PID1: variants seen among roughly 807,000 people sequenced by gnomAD.
PID1 encodes the protein phosphotyrosine interaction domain containing 1, also known as PTB-containing, cubilin and LRP1-interacting protein.
PID1 carries 10 observed loss-of-function variants against 19.1 expected under a neutral mutation model. The ratio of observed to expected loss-of-function variants is 0.52; its 90% CI spans 0.32 to 0.89. PID1 has a LOEUF of 0.89. PID1 is among the 40% of genes least tolerant of loss of function. The pLI is 0.03. For synonymous variants in PID1, 130 were observed against 116.0 expected (o/e 1.12, Z -0.78); for missense variants, 248 against 285.3 (o/e 0.87, Z 0.94).
intron 2 of PID1, among the ~76,000 whole-genome samples, chr2:229,091,732 T>C (rs1171860224): frequency 6.6e-6 from 1 of 152,200 alleles, no homozygotes; most frequent in East Asian, 1.9e-4. Flanking sequence ...TTTGTAATAG[T>C]AACCTGAATG....
At chr2:229,206,873 G>C (rs919638287) in intron 1 of PID1, among the ~76,000 whole-genome samples, 1 of 152,118 alleles carries the variant, frequency 6.6e-6, no homozygotes, top group Non-Finnish European at 1.5e-5. Context: ...ATGTGTATAG[G>C]AATCACCGAG....
chr2:229,232,653 G>C (rs935998950), intron 1 of PID1, among the ~76,000 whole-genome samples: 7 of 150,608 alleles, frequency 4.6e-5, no homozygotes, highest in African/African-American at 1.7e-4. Flanking sequence ...CAATTTGTGT[G>C]TGTGTGTGTA....
At chr2:229,036,180 T>C (rs1452165814) in intron 2 of PID1, among the ~76,000 whole-genome samples, 1 of 152,168 alleles carries the variant, frequency 6.6e-6, no homozygotes, top group East Asian at 1.9e-4. Flanking sequence ...TGGGTAGGAC[T>C]GTGCACATCC....
intron 2 of PID1, among the ~76,000 whole-genome samples, chr2:229,103,822 C>T (rs994415296): frequency 2.6e-5 from 4 of 152,042 alleles, no homozygotes; most frequent in Non-Finnish European, 5.9e-5. Context: ...CGTGATCCAC[C>T]CACCTTGGCC....
chr2:229,090,889 G>A (rs1033975214), intron 2 of PID1, among the ~76,000 whole-genome samples: 3 of 152,172 alleles, frequency 2.0e-5, no homozygotes, highest in African/African-American at 7.2e-5. Context: ...GTAGTGATGG[G>A]AGTAAAACAG....
intron 2 of PID1, among the ~76,000 whole-genome samples, chr2:229,077,602 T>C (rs1017793232): frequency 3.3e-5 from 5 of 152,228 alleles, no homozygotes; most frequent in African/African-American, 4.8e-5. Context: ...TTTTTGCATA[T>C]GGCTAGCCAG....
rs1161783548 is a variant in PID1, at chr2:229,139,097, A to AAG, written c.177+16719_177+16720dup. The stretch of plus-strand genomic sequence containing the variant: ...AAAGAAAGAAAGAAAGAAAGAAAGA[A>AAG]AGAAAGAAAGAAAGAAAGAGAAAGA... On this transcript the variant is annotated intron_variant, in intron 2 of 2. Transcript: ENST00000392055. 3.4e-4 allele frequency among the ~76,000 whole-genome samples: 27 copies of AAG among 79,470 alleles called. 1 individual carries two copies. Among genetic ancestry groups the AAG allele is most frequent in the African/African-American group, 1.6e-3 (27 of 16,492 alleles). 52.1% of individuals were successfully genotyped at this position (79,470 alleles called of 152,430 possible). A position where few individuals can be genotyped will look rare whatever the true frequency, so the allele number is the denominator to read the frequency against.
intron 2 of PID1, among the ~76,000 whole-genome samples, chr2:229,149,721 T>C (rs1336411305): frequency 6.6e-6 from 1 of 152,212 alleles, no homozygotes; most frequent in African/African-American, 2.4e-5. Context: ...GTAGCGGCTT[T>C]AGACTGGGCT....
intron 1 of PID1, among the ~76,000 whole-genome samples, chr2:229,170,166 A>G (rs145533547): frequency 0.012 from 1,873 of 152,304 alleles, 18 homozygotes; most frequent in Non-Finnish European, 0.018. Context: ...CCAATAATAC[A>G]AGGCCAATAA....
At chr2:229,246,261 C>T (rs540438743) in intron 1 of PID1, among the ~76,000 whole-genome samples, 2 of 152,076 alleles carry the variant, frequency 1.3e-5, no homozygotes, top group Non-Finnish European at 2.9e-5. Flanking sequence ...CTTCAAACTG[C>T]GGAGCTGCTG....
chr2:229,145,682 A>G (rs113709991), intron 2 of PID1, among the ~76,000 whole-genome samples: 77 of 152,288 alleles, frequency 5.1e-4, no homozygotes, highest in African/African-American at 1.8e-3. Context: ...CAAAATGAGG[A>G]GAAAAGTATC....
At chr2:229,159,220 A>G (rs1022778215) in intron 1 of PID1, among the ~76,000 whole-genome samples, 2 of 152,122 alleles carry the variant, frequency 1.3e-5, no homozygotes, top group Non-Finnish European at 2.9e-5. Flanking sequence ...GAAGTTTTGG[A>G]ATTTGTGGCA....
rs576959046 is a variant in PID1 at position 229,025,667 on chromosome 2, C to G, written c.619G>C (p.Glu207Gln). Residue 207 changes from glutamate to glutamine, a missense_variant, in exon 3 of 3, where the codon GAG becomes CAG. Glu to Gln is a conservative substitution (Grantham distance 29). Transcript: ENST00000392055. ...TCGGATTCCAATTCCTGGGAAACCTCTTCGGAGGAGCTGTTGCTGTGGATC... is the reference window on the plus strand; with the variant it reads ...TCGGATTCCAATTCCTGGGAAACCTGTTCGGAGGAGCTGTTGCTGTGGATC... ...GRIHSNSSSE[E>Q]VSQELESDDG The G allele has an allele frequency of 8.1e-6, 13 of 1,613,314 alleles. No homozygotes were observed. In the South Asian group the frequency reaches 1.3e-4, roughly 16 times the overall value.
intron 2 of PID1, among the ~76,000 whole-genome samples, chr2:229,139,079 GAAAGAA>G (rs1689939703): frequency 1.6e-5 from 1 of 61,088 alleles, no homozygotes; most frequent in African/African-American, 8.1e-5. Context: ...AAGAAAGAAA[GAAAGAA>G]AGAAAGAAAG....
At chr2:229,051,064 C>A (rs1216874415) in intron 2 of PID1, among the ~76,000 whole-genome samples, 1 of 152,140 alleles carries the variant, frequency 6.6e-6, no homozygotes, top group Non-Finnish European at 1.5e-5. Context: ...TTTTAGGATT[C>A]TCTACATGTA....
intron 2 of PID1, among the ~76,000 whole-genome samples, chr2:229,122,985 G>GT (rs991038044): frequency 1.3e-5 from 2 of 152,028 alleles, no homozygotes; most frequent in Non-Finnish European, 2.9e-5. Flanking sequence ...CTACCTTACT[G>GT]TTTTTTGTTT....
At chr2:229,035,495 CA>C (rs780611818) in intron 2 of PID1, among the ~76,000 whole-genome samples, 32 of 133,422 alleles carry the variant, frequency 2.4e-4, no homozygotes, top group Non-Finnish European at 4.6e-4. Context: ...TAAATGGGGC[CA>C]ATCATTTATA....
chr2:229,113,950 C>G (rs1405832473), intron 2 of PID1, among the ~76,000 whole-genome samples: 2 of 152,074 alleles, frequency 1.3e-5, no homozygotes, highest in South Asian at 2.1e-4. Flanking sequence ...AGCAGATGAC[C>G]TTCCATAATG....
chr2:229,216,590 A>G (rs1362336930), intron 1 of PID1, among the ~76,000 whole-genome samples: 5 of 152,320 alleles, frequency 3.3e-5, no homozygotes, highest in East Asian at 3.9e-4. Flanking sequence ...TTAAAAACAC[A>G]TGTGAGTAAT....
Sources: allele counts gnomAD v4.1 joint callset (sites outside exome capture counted in the v4.1 genomes callset), GRCh38; gene constraint gnomAD v4.1.1; transcripts MANE v1.5; gene names NCBI Gene and HGNC (gene_info 2026-07-23, HGNC 2026-07-21).